GPR149: variants seen among roughly 807,000 people sequenced by gnomAD.
The protein encoded by GPR149 is probable G protein-coupled receptor 149.
A neutral mutation model predicts 50.2 loss-of-function variants in GPR149; 50 were observed. The ratio of observed to expected loss-of-function variants is 1.00; its 90% CI spans 0.79 to 1.26. GPR149 has a LOEUF of 1.26. GPR149 is among the 50% of genes most tolerant of loss of function. The pLI is 0.00. For synonymous variants in GPR149, 405 were observed against 358.2 expected (o/e 1.13, Z -1.48); for missense variants, 983 against 895.4 (o/e 1.10, Z -1.25).
At chr3:154,374,169 C>CTTTTTTTTTTTTTTTTTTTTTTTTTT (rs3069044) in intron 3 of GPR149, among the ~76,000 whole-genome samples, 10 of 103,164 alleles carry the variant, frequency 9.7e-5, no homozygotes, top group Non-Finnish European at 1.5e-4. Flanking sequence ...CTTTTCTTTT[C>CTTTTTTTTTTTTTTTTTTTTTTTTTT]TTTTTTTTTT....
At chr3:154,354,509 C>T (rs1025660465) in intron 3 of GPR149, among the ~76,000 whole-genome samples, 2 of 152,010 alleles carry the variant, frequency 1.3e-5, no homozygotes, top group African/African-American at 4.8e-5. Context: ...AAAAATTTTA[C>T]CTGTGCATTT....
chr3:154,358,309 T>C (rs1399147432), intron 3 of GPR149, among the ~76,000 whole-genome samples: 1 of 151,896 alleles, frequency 6.6e-6, no homozygotes, highest in Non-Finnish European at 1.5e-5. Flanking sequence ...AAAATAAAAA[T>C]AAAAGAAAGA....
At chr3:154,399,194 A>G (rs547712256) in intron 3 of GPR149, among the ~76,000 whole-genome samples, 1 of 152,212 alleles carries the variant, frequency 6.6e-6, no homozygotes, top group East Asian at 1.9e-4. Flanking sequence ...GGCTGGATTT[A>G]TGATATTTTC....
rs1357077584 is a variant in GPR149, at chr3:154,335,754, T to C, written c.*1945A>G. On this transcript the variant is annotated 3_prime_UTR_variant, in exon 4 of 4. Transcript: ENST00000389740. The stretch of plus-strand genomic sequence containing the variant: ...TGTTATAATCTCCATCCCATTCAAA[T>C]TGCTGTGCAGTTATAAAGAATTTGT... The C allele has an allele frequency of 1.3e-5, 2 of 152,140 alleles. No individual in the cohort carries two copies. Among genetic ancestry groups the C allele is most frequent in the African/African-American group, 4.8e-5 (2 of 41,412 alleles). 9.4% of individuals were successfully genotyped at this position (152,140 alleles called of 1,614,324 possible). A position where few individuals can be genotyped will look rare whatever the true frequency, so the allele number is the denominator to read the frequency against.
intron 3 of GPR149, among the ~76,000 whole-genome samples, chr3:154,379,651 T>G (rs1180004304): frequency 5.9e-5 from 9 of 152,162 alleles, no homozygotes; most frequent in African/African-American, 2.2e-4. Flanking sequence ...TTGTTTTCAT[T>G]TTTTGAATAT....
intron 3 of GPR149, among the ~76,000 whole-genome samples, chr3:154,339,715 ATT>A (rs1362700377): frequency 8.0e-6 from 1 of 125,092 alleles, no homozygotes; most frequent in Non-Finnish European, 1.7e-5. Context: ...AGTTTAGATT[ATT>A]TTCTGTTTAA....
rs951619680 is a variant in GPR149, at chr3:154,428,486, G to C, written c.981+149C>G. 4.7e-6 allele frequency: 4 copies of C among 857,576 alleles called. No homozygotes were observed. The African/African-American group carries it at 5.1e-5, about 11-fold the overall frequency. The allele number at this position is 857,576 out of a possible 1,614,324, so 53.1% of individuals were successfully genotyped here. On this transcript the variant is annotated intron_variant, in intron 1 of 3. Transcript: ENST00000389740. ...CCTGTCCCGAACTGCCTTCTTCTAAGTGCATGTCTAAAACCCAGCGAGATA... is the reference window on the plus strand; with the variant it reads ...CCTGTCCCGAACTGCCTTCTTCTAACTGCATGTCTAAAACCCAGCGAGATA...
At chr3:154,367,574 C>G (rs1433236016) in intron 3 of GPR149, among the ~76,000 whole-genome samples, 2 of 152,170 alleles carry the variant, frequency 1.3e-5, no homozygotes, top group Non-Finnish European at 2.9e-5. Context: ...TAACATCTTC[C>G]CACTGCACGT....
chr3:154,389,745 T>C (rs1262845233), intron 3 of GPR149, among the ~76,000 whole-genome samples: 1 of 152,154 alleles, frequency 6.6e-6, no homozygotes, highest in East Asian at 1.9e-4. Flanking sequence ...GAATCCTGTC[T>C]TGCCTGCCTT....
intron 3 of GPR149, among the ~76,000 whole-genome samples, chr3:154,369,936 A>C (rs1714623933): frequency 6.6e-6 from 1 of 152,188 alleles, no homozygotes; most frequent in African/African-American, 2.4e-5. Flanking sequence ...AATTCCCCAC[A>C]GGGCAACAGG....
At chr3:154,364,998 T>C (rs789384) in intron 3 of GPR149, among the ~76,000 whole-genome samples, 98,613 of 152,052 alleles carry the variant, frequency 0.65, 32,520 homozygotes, top group East Asian at 0.89. Context: ...CCCCACCCCA[T>C]GACTCTGCTA....
At chr3:154,401,986 G>A (rs16823996) in intron 3 of GPR149, among the ~76,000 whole-genome samples, 2 of 152,054 alleles carry the variant, frequency 1.3e-5, no homozygotes, top group Non-Finnish European at 2.9e-5. Flanking sequence ...TCAAGGGATG[G>A]CAAAGAAGAA....
chr3:154,370,130 T>A (rs1356711266), intron 3 of GPR149, among the ~76,000 whole-genome samples: 1 of 152,224 alleles, frequency 6.6e-6, no homozygotes, highest in Non-Finnish European at 1.5e-5. Flanking sequence ...CTAGAAAGGC[T>A]AAGGGAGGCC....
rs1712437651 is a variant in GPR149 at position 154,429,886 on chromosome 3, T to G, written c.-271A>C. Among the ~76,000 whole-genome samples, 1 of 150,928 alleles carries G rather than the reference T, an allele frequency of 6.6e-6. No homozygotes were observed. The highest frequency in any genetic ancestry group is 1.5e-5 in the Non-Finnish European group (1 of 67,832). On this transcript the variant is annotated 5_prime_UTR_variant, in exon 1 of 4. Transcript: ENST00000389740. ...CAATTAAAAACAAAGCAAAAACTCC[T>G]TCCCACCATCAAGTTTCAGGGAAGA...
chr3:154,376,762 G>A (rs898805923), intron 3 of GPR149, among the ~76,000 whole-genome samples: 2 of 152,134 alleles, frequency 1.3e-5, no homozygotes, highest in Admixed American at 1.3e-4. Context: ...TCCCTCTCTT[G>A]CACTGCTCCT....
At position 154,381,328 on chromosome 3, in the gene GPR149, C is replaced by T. The variant is rs1168387404; in HGVS notation, c.1623+39711G>A. On this transcript the variant is annotated intron_variant, in intron 3 of 3. Coordinates refer to ENST00000389740, the MANE Select transcript of GPR149 (RefSeq NM_001038705.3). ...TTGTCACAATCTAACAGAAAATAACCCAAAGAACTGATGTGTTCTCGTTGC... is the reference window on the plus strand; with the variant it reads ...TTGTCACAATCTAACAGAAAATAACTCAAAGAACTGATGTGTTCTCGTTGC... 3.3e-5 allele frequency among the ~76,000 whole-genome samples: 5 copies of T among 152,108 alleles called. No individual in the cohort carries two copies. In the East Asian group the frequency reaches 9.7e-4, roughly 29 times the overall value.
At chr3:154,420,973 TG>T (rs1712123908) in intron 3 of GPR149, 65 bp downstream of exon 3, 17 of 1,145,250 alleles carry the variant, frequency 1.5e-5, no homozygotes, top group Non-Finnish European at 2.1e-5. Context: ...CAACTGATAA[TG>T]TTTTTCATGA....
At chr3:154,408,973 C>T (rs1437784507) in intron 3 of GPR149, among the ~76,000 whole-genome samples, 2 of 152,236 alleles carry the variant, frequency 1.3e-5, no homozygotes, top group Admixed American at 1.3e-4. Context: ...TCACAGAGTC[C>T]ACTTCATGCC....
rs1713643128 is a variant in GPR149 at position 154,335,773 on chromosome 3, A to G, written c.*1926T>C. ...TTCAAATTGCTGTGCAGTTATAAAG[A>G]ATTTGTTTGCCTTCAAATCTTTGCT... On this transcript the variant is annotated 3_prime_UTR_variant, in exon 4 of 4. Coordinates refer to ENST00000389740, the MANE Select transcript of GPR149 (RefSeq NM_001038705.3). 6.6e-6 allele frequency: 1 copy of G among 150,406 alleles called. No homozygotes were observed. Among genetic ancestry groups the G allele is most frequent in the Non-Finnish European group, 1.5e-5 (1 of 67,960 alleles). The allele number at this position is 150,406 out of a possible 1,614,324, so 9.3% of individuals were successfully genotyped here.
Sources: gnomAD v4.1 joint callset for allele counts (sites outside exome capture counted in the v4.1 genomes callset) on GRCh38, gnomAD v4.1.1 for gene constraint, MANE v1.5 for transcripts, NCBI Gene and HGNC (gene_info 2026-07-23, HGNC 2026-07-21) for gene names.